Variants in JAK3 observed in about 807,000 individuals in gnomAD.
JAK3 encodes Janus kinase 3.
JAK3 carries 88 observed loss-of-function variants against 120.8 expected under a neutral mutation model. The ratio of observed to expected loss-of-function variants is 0.73; its 90% CI spans 0.61 to 0.87. The LOEUF (loss-of-function observed/expected upper bound fraction) is 0.87. Ranked by LOEUF, JAK3 falls within the 40% of genes least tolerant of loss-of-function variation. JAK3 has a pLI of 0.00. For synonymous variants in JAK3, 592 were observed against 628.6 expected, an observed-to-expected ratio of 0.94 and a Z score of 0.87; for missense variants, 1,254 against 1,501.4, an observed-to-expected ratio of 0.84 and a Z score of 2.72.
Position 17,842,344 on chromosome 19 carries a change from C to A in JAK3, c.833G>T (p.Gly278Val). 6.3e-7 allele frequency: 1 copy of A among 1,588,590 alleles called. No homozygotes were observed. ...LGLLRVAGDG[G>V]IAWTQGEQEV... ...CTGTTCTCCCTGGGTCCAGGCGATG[C>A]CGCCGTCACCAGCCACGCGGAGCAG... The change falls in exon 6 of 24, where the codon GGC (glycine) becomes GTC (valine). Residue 278 changes from glycine to valine, a missense_variant. Gly to Val is a moderately radical substitution (Grantham distance 109). This residue lies in a region of JAK3 where 486 missense variants were observed against 503.0 expected (regional missense o/e 0.97). Transcript: ENST00000458235. The surrounding 1 kb of genome is among the most constrained non-coding windows in gnomAD (Gnocchi z 6.4).
rs972214822 is a variant in JAK3 at position 17,825,986 on chromosome 19, T to C, written c.*757A>G. On this transcript the variant is annotated 3_prime_UTR_variant, in exon 24 of 24. Transcript: ENST00000458235. The stretch of plus-strand genomic sequence containing the variant: ...CAAAACTAGGTGCTGTAGTCCCAGC[T>C]ATTTAGGAGGATAAGGCAGGAGGAT... 1 of 149,750 alleles carries C rather than the reference T, an allele frequency of 6.7e-6. No individual in the cohort carries two copies. Among genetic ancestry groups the C allele is most frequent in the African/African-American group, 2.5e-5 (1 of 40,578 alleles). The allele number at this position is 149,750 out of a possible 1,614,324, so 9.3% of individuals were successfully genotyped here. A position where few individuals can be genotyped will look rare whatever the true frequency, so the allele number is the denominator to read the frequency against.
rs775280764 is a variant in JAK3 at position 17,832,811 on chromosome 19, C to T, written c.2469G>A (p.Lys823=). 2 of 1,614,268 alleles carry T rather than the reference C, an allele frequency of 1.2e-6. No individual in the cohort carries two copies. The highest frequency in any genetic ancestry group is 1.7e-6 in the Non-Finnish European group (2 of 1,180,050). ...TTACCTTGCCCAGCTGTGAGATGTA[C>T]TTGAGGTGTCTCTCCTCGAAGATCG... The part of the protein sequence containing the change: ...DPTIFEERHL[K]YISQLGKGNF... Residue 823 remains lysine, a synonymous_variant, in exon 18 of 24, where the codon AAG becomes AAA. Coordinates refer to ENST00000458235, the MANE Select transcript of JAK3 (RefSeq NM_000215.4). The surrounding 1 kb of genome is among the most constrained non-coding windows in gnomAD (Gnocchi z 4.7).
rs1286795649 is a variant in JAK3, at chr19:17,841,022, G to A, written c.1142+367C>T. On this transcript the variant is annotated intron_variant, in intron 8 of 23. Transcript: ENST00000458235. This position sits in a 1 kb window ranked among gnomAD's most constrained non-coding sequence, Gnocchi z 4.1. ...TTGTAGAGATGGGGTCTCTCCTGTT[G>A]CCTAGACTTGTCTCCAACTCCTGAG... is the stretch of plus-strand genomic sequence containing the variant. Among the ~76,000 whole-genome samples, 1 of 151,778 alleles carries A rather than the reference G, an allele frequency of 6.6e-6. No individual in the cohort carries two copies.
chr19:17,840,371 G>A (rs375468907), intron 8 of JAK3, 30 bp from the exon 9 acceptor site: 2 of 1,436,042 alleles, frequency 1.4e-6, no homozygotes, highest in South Asian at 1.2e-5. Flanking sequence ...GGAATGGGGA[G>A]GAGTCAGAGA....
rs2094243288 is a variant in JAK3, at chr19:17,842,854, G to C, written c.566+173C>G. On this transcript the variant is annotated intron_variant, in intron 5 of 23. Coordinates refer to ENST00000458235, the MANE Select transcript of JAK3 (RefSeq NM_000215.4). The surrounding 1 kb of genome is among the most constrained non-coding windows in gnomAD (Gnocchi z 6.4). ...TTTAGCTGGGGGAGGTCAGGTGTCT[G>C]TCCAGCTGGAGCCTGGGGGTGGAGA... The C allele has an allele frequency of 1.0e-6, 1 of 972,450 alleles. No homozygotes were observed. The highest frequency in any genetic ancestry group is 1.6e-5 in the African/African-American group (1 of 62,438). 60.2% of individuals were successfully genotyped at this position (972,450 alleles called of 1,614,324 possible).
chr19:17,825,194 T>A lies in JAK3; in HGVS notation c.*1549A>T, dbSNP rs2094201896. On this transcript the variant is annotated 3_prime_UTR_variant, in exon 24 of 24. Transcript: ENST00000458235. Reference sequence around the variant, plus strand: ...TGAGACCCAGAGAGGGAAAGGAACTTGCCCACTGTCACACTGCATGGAAGG... The same window carrying A: ...TGAGACCCAGAGAGGGAAAGGAACTAGCCCACTGTCACACTGCATGGAAGG... The A allele has an allele frequency of 1.3e-5, 3 of 229,680 alleles. No homozygotes were observed. Among genetic ancestry groups the A allele is most frequent in the Non-Finnish European group, 2.6e-5 (3 of 115,824 alleles). The allele number at this position is 229,680 out of a possible 1,614,324, so 14.2% of individuals were successfully genotyped here. A position where few individuals can be genotyped will look rare whatever the true frequency, so the allele number is the denominator to read the frequency against.
chr19:17,841,623 G>T lies in JAK3; in HGVS notation c.984+17C>A. ...CCCTCGGGGTAAGGCTGAAGGGGAGGGGAATCCTGCACCCACTAAAATCTG... is the reference window on the plus strand; with the variant it reads ...CCCTCGGGGTAAGGCTGAAGGGGAGTGGAATCCTGCACCCACTAAAATCTG... On this transcript the variant is annotated intron_variant, in intron 7 of 23. Transcript: ENST00000458235. The surrounding 1 kb of genome is among the most constrained non-coding windows in gnomAD (Gnocchi z 4.1). The T allele has an allele frequency of 6.2e-7, 1 of 1,613,738 alleles. No individual in the cohort carries two copies. The highest frequency in any genetic ancestry group is 8.5e-7 in the Non-Finnish European group (1 of 1,179,818).
chr19:17,839,804 G>C (rs1281152177), intron 9 of JAK3, 141 bp from the exon 10 acceptor site: 1 of 760,030 alleles, frequency 1.3e-6, no homozygotes, highest in Non-Finnish European at 2.1e-6. Flanking sequence ...GCAATGGCGT[G>C]ACCTTGGCTC....
chr19:17,841,801 G>T lies in JAK3; in HGVS notation c.862-39C>A. ...GGAGTACCGAAGTGGGGGCCCAGCT[G>T]GACCCCGCCAAACCACGCCCATGAA... is the stretch of plus-strand genomic sequence containing the variant. On this transcript the variant is annotated intron_variant, in intron 6 of 23. Coordinates refer to ENST00000458235, the MANE Select transcript of JAK3 (RefSeq NM_000215.4). The surrounding 1 kb of genome is among the most constrained non-coding windows in gnomAD (Gnocchi z 4.1). 1 of 1,598,488 alleles carries T rather than the reference G, an allele frequency of 6.3e-7. No homozygotes were observed. The highest frequency in any genetic ancestry group is 8.5e-7 in the Non-Finnish European group (1 of 1,179,568).
chr19:17,828,747 C>A (rs1212849248), intron 23 of JAK3, among the ~76,000 whole-genome samples: 1 of 152,218 alleles, frequency 6.6e-6, no homozygotes, highest in Non-Finnish European at 1.5e-5. Flanking sequence ...CAGCACCCAA[C>A]AAGTCCTGGC....
chr19:17,839,340 C>G (rs1310746029), intron 10 of JAK3, 137 bp downstream of exon 10: 5 of 820,190 alleles, frequency 6.1e-6, no homozygotes, highest in Non-Finnish European at 1.0e-5. Context: ...ACTTCCTGAG[C>G]CAACAAATCA....
intron 14 of JAK3, 115 bp downstream of exon 14, chr19:17,835,809 C>T: frequency 7.3e-7 from 1 of 1,365,922 alleles, no homozygotes; most frequent in Non-Finnish European, 1.0e-6. Flanking sequence ...AATGCCCTCC[C>T]CTCGAACCCT....
chr19:17,831,892 C>T lies in JAK3; in HGVS notation c.2681-94G>A. ...CAGTGGGACCTTGTGTCCCTCTCGA[C>T]CTCAGTTTTGCTGACTGTAATATGG... On this transcript the variant is annotated intron_variant, in intron 19 of 23. Transcript: ENST00000458235. The surrounding 1 kb of genome is among the most constrained non-coding windows in gnomAD (Gnocchi z 5.1). 1 of 1,542,710 alleles carries T rather than the reference C, an allele frequency of 6.5e-7. No individual in the cohort carries two copies.
intron 23 of JAK3, among the ~76,000 whole-genome samples, chr19:17,828,697 T>C (rs190118365): frequency 6.6e-6 from 1 of 152,292 alleles, no homozygotes; most frequent in Admixed American, 6.5e-5. Flanking sequence ...CCTAGAATGT[T>C]CTTATCAGAT....
At chr19:17,845,159 A>T (rs368176052) in intron 1 of JAK3, among the ~76,000 whole-genome samples, 3 of 152,110 alleles carry the variant, frequency 2.0e-5, no homozygotes, top group East Asian at 1.9e-4. Flanking sequence ...TGAGACCAGG[A>T]GTTTGTTTTA....
In JAK3 at chr19:17,839,366, C is replaced by T. The variant is rs769807311; in HGVS notation, c.1441+111G>A. On this transcript the variant is annotated intron_variant, in intron 10 of 23. Transcript: ENST00000458235. Reference sequence around the variant, plus strand: ...CAACAAATCACCTTTTCTTCCCTAACCCACCTTGACCTGCAGTTTCTGCCA... The same window carrying T: ...CAACAAATCACCTTTTCTTCCCTAATCCACCTTGACCTGCAGTTTCTGCCA... 186 of 1,013,902 alleles carry T rather than the reference C, an allele frequency of 1.8e-4. 1 individual carries two copies. The highest frequency in any genetic ancestry group is 2.5e-4 in the Non-Finnish European group (165 of 658,840). 62.8% of individuals were successfully genotyped at this position (1,013,902 alleles called of 1,614,324 possible).
intron 1 of JAK3, among the ~76,000 whole-genome samples, chr19:17,845,092 G>T (rs1444804176): frequency 6.6e-6 from 1 of 152,208 alleles, no homozygotes; most frequent in African/African-American, 2.4e-5. Context: ...CCAGCAGGGC[G>T]CAGTGGCTCA....
At chr19:17,835,899 G>A in intron 14 of JAK3, 25 bp downstream of exon 14, 1 of 1,613,160 alleles carries the variant, frequency 6.2e-7, no homozygotes, top group South Asian at 1.1e-5. Context: ...GGAATGGAGG[G>A]TGGAGCAGGC....
rs751213624 is a variant in JAK3, at chr19:17,842,266, C to A, written c.861+50G>T. 10 of 1,403,916 alleles carry A rather than the reference C, an allele frequency of 7.1e-6. No individual in the cohort carries two copies. The African/African-American group carries it at 8.6e-5, about 12-fold the overall frequency. The allele number at this position is 1,403,916 out of a possible 1,614,324, so 87.0% of individuals were successfully genotyped here. A position where few individuals can be genotyped will look rare whatever the true frequency, so the allele number is the denominator to read the frequency against. On this transcript the variant is annotated intron_variant, in intron 6 of 23. Coordinates refer to ENST00000458235, the MANE Select transcript of JAK3 (RefSeq NM_000215.4). The surrounding 1 kb of genome is among the most constrained non-coding windows in gnomAD (Gnocchi z 6.4). Reference sequence around the variant, plus strand: ...CCCCTACCACTCTCCGGCCCCTCCCCGAGCCCCGCCCCCACGTTGGCCCCG... The same window carrying A: ...CCCCTACCACTCTCCGGCCCCTCCCAGAGCCCCGCCCCCACGTTGGCCCCG...
Sources: gnomAD v4.1 joint callset for allele counts (sites outside exome capture counted in the v4.1 genomes callset) on GRCh38, gnomAD v4.1.1 for gene constraint, gnomAD v4.1.1 regional missense constraint, Gnocchi (gnomAD v3.1) non-coding constraint, MANE v1.5 for transcripts, NCBI Gene and HGNC (gene_info 2026-07-23, HGNC 2026-07-21) for gene names.